SDHB: variants seen among roughly 807,000 people sequenced by gnomAD.
The protein encoded by SDHB is succinate dehydrogenase complex iron sulfur subunit B, also known as succinate dehydrogenase [ubiquinone] iron-sulfur subunit, mitochondrial.
Under a neutral mutation model 39.7 loss-of-function variants are expected in SDHB, and 21 were observed. The observed-to-expected ratio is 0.53, with a 90% CI of 0.37 to 0.76. SDHB has a LOEUF of 0.76. SDHB is among the 30% of genes least tolerant of loss of function. The pLI is 0.00. For missense variants in SDHB, 343 were observed against 350.9 expected (o/e 0.98, Z 0.18); for synonymous variants, 118 against 117.0 (o/e 1.01, Z -0.06).
intron 2 of SDHB, among the ~76,000 whole-genome samples, chr1:17,039,982 A>G (rs1426996075): frequency 6.6e-6 from 1 of 152,166 alleles, no homozygotes; most frequent in Non-Finnish European, 1.5e-5. Context: ...AACTTCCTAT[A>G]GCATTTCATG....
Position 17,027,820 on chromosome 1 carries a change from A to G in SDHB, c.469T>C (p.Leu157=). Residue 157 remains leucine (L), a synonymous_variant, in exon 5 of 8, where the codon TTG becomes CTG. Coordinates refer to ENST00000375499, the MANE Select transcript of SDHB (RefSeq NM_003000.3). The part of the protein sequence containing the change: ...YAQYKSIEPY[L]KKKDESQEGK... ...TCCTGAGATTCATCCTTCTTCTTCA[A>G]ATAAGGCTCAATGGATTTGTACTGT... 1.2e-6 allele frequency: 2 copies of G among 1,613,446 alleles called. No individual in the cohort carries two copies. Among genetic ancestry groups the G allele is most frequent in the Non-Finnish European group, 1.7e-6 (2 of 1,179,448 alleles).
intron 2 of SDHB, among the ~76,000 whole-genome samples, chr1:17,036,757 T>G (rs573110538): frequency 1.6e-4 from 23 of 146,848 alleles, no homozygotes; most frequent in Admixed American, 6.2e-4. Context: ...TATAAATATT[T>G]ATATAAATAT....
intron 2 of SDHB, among the ~76,000 whole-genome samples, chr1:17,037,999 C>T (rs1340405021): frequency 1.3e-5 from 2 of 152,172 alleles, no homozygotes; most frequent in Non-Finnish European, 2.9e-5. Context: ...ATTAGCTGGG[C>T]GTAGTGGCAG....
chr1:17,020,562 T>C (rs1397374554), intron 7 of SDHB, among the ~76,000 whole-genome samples: 1 of 152,232 alleles, frequency 6.6e-6, no homozygotes, highest in Non-Finnish European at 1.5e-5. Flanking sequence ...TGACCAGGAA[T>C]GCACCTTAGA....
Position 17,046,172 on chromosome 1 carries a change from A to G in SDHB, c.73-1284T>C, listed in dbSNP as rs562842628. On this transcript the variant is annotated intron_variant, in intron 1 of 7. Coordinates refer to ENST00000375499, the MANE Select transcript of SDHB (RefSeq NM_003000.3). ...TAAGATGAAAGCTATGTTTTACCTT[A>G]TCACCAAGCTGGCTAAAATCATCAA... Among the ~76,000 whole-genome samples, 27 of 152,362 alleles carry G rather than the reference A, an allele frequency of 1.8e-4. 2 individuals carry two copies. The South Asian group carries it at 3.5e-3, about 20-fold the overall frequency.
At chr1:17,032,767 G>T in intron 3 of SDHB, 1 of 462,678 alleles carries the variant, frequency 2.2e-6, no homozygotes, top group Non-Finnish European at 4.0e-6. Context: ...CATGGAAGGT[G>T]CCAGCCAGCA....
At chr1:17,019,095 A>G (rs1465603695) in intron 7 of SDHB, 137 bp from the exon 8 acceptor site, 2 of 741,176 alleles carry the variant, frequency 2.7e-6, no homozygotes, top group African/African-American at 3.4e-5. Flanking sequence ...CCTCAAAACC[A>G]TAGGGGTTGG....
chr1:17,029,731 CTTTT>C (rs201402887), intron 3 of SDHB, among the ~76,000 whole-genome samples: 1 of 151,382 alleles, frequency 6.6e-6, no homozygotes, highest in African/African-American at 2.4e-5. Context: ...AGCTCTTCTT[CTTTT>C]TTTTTCTTGG....
At chr1:17,035,845 G>A (rs2078047873) in intron 2 of SDHB, among the ~76,000 whole-genome samples, 1 of 151,966 alleles carries the variant, frequency 6.6e-6, no homozygotes, top group Non-Finnish European at 1.5e-5. Context: ...GGGAGACAGA[G>A]CGAGACTGTC....
intron 2 of SDHB, among the ~76,000 whole-genome samples, chr1:17,034,647 T>A (rs1006824017): frequency 1.3e-5 from 2 of 152,128 alleles, no homozygotes; most frequent in Non-Finnish European, 2.9e-5. Context: ...TCCCAAATGC[T>A]GGGATTACAG....
intron 3 of SDHB, 26 bp from the exon 4 acceptor site, chr1:17,028,762 T>A: frequency 6.2e-7 from 1 of 1,612,420 alleles, no homozygotes; most frequent in Non-Finnish European, 8.5e-7. Flanking sequence ...ATTTAACACA[T>A]CCTCACCCAT....
chr1:17,034,444 G>A (rs1256785019), intron 2 of SDHB, among the ~76,000 whole-genome samples: 6 of 151,792 alleles, frequency 4.0e-5, no homozygotes, highest in South Asian at 2.1e-4. Flanking sequence ...GCAATGGTGC[G>A]ATCTCGGCTC....
chr1:17,047,359 GAAACA>G (rs1387977526), intron 1 of SDHB, among the ~76,000 whole-genome samples: 9 of 151,352 alleles, frequency 5.9e-5, no homozygotes, highest in Non-Finnish European at 8.8e-5. Flanking sequence ...CTGTTTCAAA[GAAACA>G]AAACAAAACA....
At chr1:17,028,522 GA>G in intron 4 of SDHB, 77 bp downstream of exon 4, 1 of 1,510,958 alleles carries the variant, frequency 6.6e-7, no homozygotes, top group South Asian at 1.1e-5. Flanking sequence ...ATCCTGCCCT[GA>G]AAAACTAATA....
At chr1:17,044,270 T>C (rs913557082) in intron 2 of SDHB, among the ~76,000 whole-genome samples, 2 of 152,190 alleles carry the variant, frequency 1.3e-5, no homozygotes, top group Admixed American at 6.6e-5. Flanking sequence ...AAATTTGTCA[T>C]ACTTTCATTT....
At chr1:17,019,155 C>T (rs188478156) in intron 7 of SDHB, among the ~76,000 whole-genome samples, 197 bp from the exon 8 acceptor site, 46 of 152,284 alleles carry the variant, frequency 3.0e-4, no homozygotes, top group African/African-American at 8.4e-4. Context: ...AGATGGTCAG[C>T]TCCCTCTGGC....
At chr1:17,038,127 G>A (rs189899159) in intron 2 of SDHB, among the ~76,000 whole-genome samples, 100 of 151,660 alleles carry the variant, frequency 6.6e-4, no homozygotes, top group African/African-American at 2.2e-3. Context: ...CAACAAGAGC[G>A]AAAACTCTGT....
At position 17,027,513 on chromosome 1, in the gene SDHB, C is replaced by T. The variant is rs575362277; in HGVS notation, c.540+236G>A. On this transcript the variant is annotated intron_variant, in intron 5 of 7. Transcript: ENST00000375499. Reference sequence around the variant, plus strand: ...AAAGATGGAGTAGCCACACAGCAACCACCCGCCCCTGCAGGCGGGGCACAG... The same window carrying T: ...AAAGATGGAGTAGCCACACAGCAACTACCCGCCCCTGCAGGCGGGGCACAG... The T allele has an allele frequency of 1.1e-5, 6 of 526,628 alleles. No individual in the cohort carries two copies. The East Asian group carries it at 2.0e-4, about 18-fold the overall frequency. 32.6% of individuals were successfully genotyped at this position (526,628 alleles called of 1,614,324 possible). A position where few individuals can be genotyped will look rare whatever the true frequency, so the allele number is the denominator to read the frequency against.
intron 1 of SDHB, among the ~76,000 whole-genome samples, chr1:17,049,548 C>T (rs2078132857): frequency 6.6e-6 from 1 of 151,410 alleles, no homozygotes. Context: ...CCACCTGCCT[C>T]AGCGTTCCAA....
Sources: allele counts gnomAD v4.1 joint callset (sites outside exome capture counted in the v4.1 genomes callset), GRCh38; gene constraint gnomAD v4.1.1; transcripts MANE v1.5; gene names NCBI Gene and HGNC (gene_info 2026-07-23, HGNC 2026-07-21).